The following RCAN2 variants were observed in gnomAD, a reference collection of about 807,000 sequenced individuals.
RCAN2 encodes calcipressin-2.
RCAN2 carries 9 observed loss-of-function variants against 23.6 expected under a neutral mutation model. The ratio of observed to expected loss-of-function variants is 0.38; its 90% CI spans 0.23 to 0.67. RCAN2 has a LOEUF of 0.67. Ranked by LOEUF, RCAN2 falls within the 30% of genes least tolerant of loss-of-function variation. RCAN2 has a pLI of 0.51. For missense variants in RCAN2, 273 were observed against 302.3 expected (o/e 0.90, Z 0.72); for synonymous variants, 109 against 115.7 (o/e 0.94, Z 0.37).
intron 2 of RCAN2, among the ~76,000 whole-genome samples, chr6:46,412,625 C>G (rs1766579728): frequency 6.6e-6 from 1 of 152,098 alleles, no homozygotes; most frequent in Non-Finnish European, 1.5e-5. Context: ...AAGTCAAGAG[C>G]TTTGAGAAGG....
chr6:46,320,730 G>C (rs866205130), intron 2 of RCAN2, among the ~76,000 whole-genome samples: 1 of 152,248 alleles, frequency 6.6e-6, no homozygotes, highest in Non-Finnish European at 1.5e-5. Flanking sequence ...CCTTTCAGAA[G>C]AGAAAAGAGC....
chr6:46,351,433 T>TA (rs1764643056), intron 2 of RCAN2, among the ~76,000 whole-genome samples: 1 of 152,258 alleles, frequency 6.6e-6, no homozygotes, highest in Non-Finnish European at 1.5e-5. Context: ...TAAGGATAGC[T>TA]AGTGTGGATG....
chr6:46,341,011 G>T (rs537125194), intron 2 of RCAN2, among the ~76,000 whole-genome samples: 1 of 152,284 alleles, frequency 6.6e-6, no homozygotes, highest in South Asian at 2.1e-4. Context: ...CTTAAGAAAT[G>T]AGCATGAAAG....
intron 2 of RCAN2, among the ~76,000 whole-genome samples, chr6:46,350,078 T>C (rs1764600049): frequency 6.6e-6 from 1 of 152,190 alleles, no homozygotes; most frequent in Non-Finnish European, 1.5e-5. Context: ...TAGTTTTATT[T>C]GTTTACTTTT....
intron 2 of RCAN2, among the ~76,000 whole-genome samples, chr6:46,363,052 T>A (rs1201403444): frequency 6.6e-6 from 1 of 152,150 alleles, no homozygotes; most frequent in Non-Finnish European, 1.5e-5. Context: ...GAAATAAGAA[T>A]TATGCCTTTT....
rs185291374 is a variant in RCAN2 at position 46,324,736 on chromosome 6, G to A, written c.226-75840C>T. Among the ~76,000 whole-genome samples, 140 of 152,304 alleles carry A rather than the reference G, an allele frequency of 9.2e-4. 1 individual carries two copies. The East Asian group carries it at 0.015, about 17-fold the overall frequency. On this transcript the variant is annotated intron_variant, in intron 2 of 4. Transcript: ENST00000371374. ...CTATGACAAGTCAACAACTGCTGCC[G>A]GCAATCAGTGAGGACCAGCATGTAT...
intron 2 of RCAN2, among the ~76,000 whole-genome samples, chr6:46,323,812 T>C (rs1402884353): frequency 2.0e-5 from 3 of 152,246 alleles, no homozygotes; most frequent in Non-Finnish European, 4.4e-5. Flanking sequence ...ACATATGCCA[T>C]ATAAGCATAT....
Position 46,456,873 on chromosome 6 carries a change from C to G in RCAN2, c.104G>C (p.Trp35Ser). ...TTCTGCAAAACAACGAGTGACAGCC[C>G]AGTCCCTGTCTATGCAGCACAGTAA... ...LFLLCCIDRD[W>S]AVTRCFAEEA... Residue 35 changes from tryptophan to serine, a missense_variant, in exon 2 of 5, where the codon TGG becomes TCG. Transcript: ENST00000371374. The G allele has an allele frequency of 6.4e-7, 1 of 1,550,628 alleles. No individual in the cohort carries two copies. Among genetic ancestry groups the G allele is most frequent in the African/African-American group, 1.4e-5 (1 of 73,162 alleles).
intron 2 of RCAN2, among the ~76,000 whole-genome samples, chr6:46,279,774 G>C (rs1442228): frequency 0.024 from 3,667 of 152,250 alleles, 142 homozygotes; most frequent in African/African-American, 0.08. Flanking sequence ...CCTTGTAACT[G>C]TCAGTCTTGT....
rs186751182 is a variant in RCAN2, at chr6:46,398,708, T to G, written c.225+58044A>C. ...CTGCACAAATTAAAATTTGCAGAAT[T>G]TCCACTAGAGAAAGTAGTGAATACC... On this transcript the variant is annotated intron_variant, in intron 2 of 4. Coordinates refer to ENST00000371374, the MANE Select transcript of RCAN2 (RefSeq NM_001251974.2). 2.4e-3 allele frequency among the ~76,000 whole-genome samples: 362 copies of G among 152,190 alleles called. 1 individual carries two copies. The highest frequency in any genetic ancestry group is 8.2e-3 in the African/African-American group (340 of 41,530).
Position 46,292,423 on chromosome 6 carries a change from G to GTT in RCAN2, c.226-43529_226-43528dup, listed in dbSNP as rs869232910. On this transcript the variant is annotated intron_variant, in intron 2 of 4. Coordinates refer to ENST00000371374, the MANE Select transcript of RCAN2 (RefSeq NM_001251974.2). ...TTGCCATATTCTTGGGAGTTGATTT[G>GTT]TTGTTTTTTTTTTTGTTTTTTTTTT... Among the ~76,000 whole-genome samples, 315 of 107,298 alleles carry GTT rather than the reference G, an allele frequency of 2.9e-3. 9 individuals carry two copies. Among genetic ancestry groups the GTT allele is most frequent in the African/African-American group, 0.01 (260 of 25,012 alleles). 70.4% of individuals were successfully genotyped at this position (107,298 alleles called of 152,430 possible). A position where few individuals can be genotyped will look rare whatever the true frequency, so the allele number is the denominator to read the frequency against.
chr6:46,224,133 T>C (rs759752121), intron 4 of RCAN2, among the ~76,000 whole-genome samples: 2 of 152,178 alleles, frequency 1.3e-5, no homozygotes, highest in Non-Finnish European at 2.9e-5. Context: ...TAAGTAACTC[T>C]GAAAGGCTTC....
At chr6:46,344,418 A>G (rs1207866257) in intron 2 of RCAN2, among the ~76,000 whole-genome samples, 1 of 152,152 alleles carries the variant, frequency 6.6e-6, no homozygotes, top group Non-Finnish European at 1.5e-5. Context: ...TGGAAGGCAT[A>G]AATTTGTGGG....
chr6:46,327,850 C>T (rs536577912), intron 2 of RCAN2, among the ~76,000 whole-genome samples: 2 of 152,286 alleles, frequency 1.3e-5, no homozygotes, highest in African/African-American at 4.8e-5. Flanking sequence ...GTTGGGAAGA[C>T]ATGCATGTAA....
At chr6:46,332,579 G>A (rs946632070) in intron 2 of RCAN2, among the ~76,000 whole-genome samples, 2 of 150,942 alleles carry the variant, frequency 1.3e-5, no homozygotes, top group African/African-American at 4.9e-5. Flanking sequence ...TTGTTCTTGT[G>A]ATAGTTTACT....
At chr6:46,291,163 A>T (rs1762547164) in intron 2 of RCAN2, among the ~76,000 whole-genome samples, 1 of 152,198 alleles carries the variant, frequency 6.6e-6, no homozygotes, top group Admixed American at 6.5e-5. Context: ...TAAGAAATTT[A>T]ATCACTGTGT....
intron 2 of RCAN2, among the ~76,000 whole-genome samples, chr6:46,411,426 C>T (rs1005521644): frequency 5.9e-5 from 9 of 152,078 alleles, no homozygotes; most frequent in African/African-American, 9.7e-5. Context: ...TGCACAACAA[C>T]GTGAATGCAG....
chr6:46,384,215 C>T (rs1765682798), intron 2 of RCAN2, among the ~76,000 whole-genome samples: 1 of 152,204 alleles, frequency 6.6e-6, no homozygotes. Context: ...CCCTCATCTG[C>T]TTCGCCATTG....
chr6:46,368,056 T>G (rs1024991641), intron 2 of RCAN2, among the ~76,000 whole-genome samples: 2 of 152,180 alleles, frequency 1.3e-5, no homozygotes, highest in East Asian at 1.9e-4. Flanking sequence ...AAGGGCCAGA[T>G]AGTAACTATT....
Sources: allele counts gnomAD v4.1 joint callset (sites outside exome capture counted in the v4.1 genomes callset), GRCh38; gene constraint gnomAD v4.1.1; transcripts MANE v1.5; gene names NCBI Gene and HGNC (gene_info 2026-07-23, HGNC 2026-07-21).